Variants in COL5A1 observed in about 807,000 individuals in gnomAD.
The protein encoded by COL5A1 is collagen type V alpha 1 chain.
A neutral mutation model predicts 263.7 loss-of-function variants in COL5A1; 16 were observed. The observed-to-expected ratio is 0.06, with a 90% CI of 0.04 to 0.09. The LOEUF is 0.09. Among genes scored for constraint, COL5A1 ranks in the 10% least tolerant of loss-of-function variants. The pLI is 1.00. For missense variants in COL5A1, 2,036 were observed against 2,540.5 expected, an observed-to-expected ratio of 0.80 and a Z score of 4.27; for synonymous variants, 1,012 against 1,004.5, an observed-to-expected ratio of 1.01 and a Z score of -0.14.
intron 1 of COL5A1, among the ~76,000 whole-genome samples, chr9:134,662,556 C>T (rs1390054501): frequency 6.6e-6 from 1 of 152,244 alleles, no homozygotes; most frequent in Non-Finnish European, 1.5e-5. Context: ...CCAGTGGGGA[C>T]ATTCCGCGCT....
chr9:134,712,062 T>C (rs1834068276), intron 4 of COL5A1, among the ~76,000 whole-genome samples: 1 of 118,192 alleles, frequency 8.5e-6, no homozygotes, highest in Admixed American at 9.8e-5. Context: ...CCTTCCTCCC[T>C]CCTTCCTGTA....
chr9:134,772,955 C>A, intron 26 of COL5A1, 121 bp downstream of exon 26: 1 of 1,071,258 alleles, frequency 9.3e-7, no homozygotes, highest in Non-Finnish European at 1.4e-6. Context: ...GGACACTCAG[C>A]CCTTCCTCAG....
intron 11 of COL5A1, among the ~76,000 whole-genome samples, chr9:134,744,670 C>CA (rs745930712): frequency 3.3e-5 from 5 of 151,808 alleles, no homozygotes; most frequent in Middle Eastern, 3.2e-3. Flanking sequence ...CACACACATG[C>CA]ACACACATTC....
intron 8 of COL5A1, 134 bp downstream of exon 8, chr9:134,731,797 T>G: frequency 9.4e-7 from 1 of 1,067,702 alleles, no homozygotes; most frequent in South Asian, 1.6e-5. Flanking sequence ...TCCCAAAACT[T>G]TATTTTTAAA....
chr9:134,758,361 C>T lies in COL5A1; in HGVS notation c.1935+65C>T. 6.6e-7 allele frequency: 1 copy of T among 1,526,280 alleles called. No individual in the cohort carries two copies. Among genetic ancestry groups the T allele is most frequent in the Non-Finnish European group, 9.1e-7 (1 of 1,100,974 alleles). The allele number at this position is 1,526,280 out of a possible 1,614,324, so 94.5% of individuals were successfully genotyped here. ...CAGCAGAGGTGTCTCTCGGGAGGCC[C>T]TTCTCCTTCCAGGCAGCCTCAGATT... On this transcript the variant is annotated intron_variant, in intron 18 of 65. Coordinates refer to ENST00000371817, the MANE Select transcript of COL5A1 (RefSeq NM_000093.5). The surrounding 1 kb of genome is among the most constrained non-coding windows in gnomAD (Gnocchi z 4.1).
chr9:134,814,154 A>G, intron 49 of COL5A1, 118 bp downstream of exon 49: 1 of 1,023,202 alleles, frequency 9.8e-7, no homozygotes, highest in Non-Finnish European at 1.5e-6. Context: ...TGGGAGTTGT[A>G]ACCCCTCTTG....
rs1002585198 is a variant in COL5A1, at chr9:134,818,438, C to T, written c.4231-218C>T. Among the ~76,000 whole-genome samples, 1 of 152,174 alleles carries T rather than the reference C, an allele frequency of 6.6e-6. No individual in the cohort carries two copies. The highest frequency in any genetic ancestry group is 1.5e-5 in the Non-Finnish European group (1 of 68,026). ...CCCGGTCTGTGGTCGGCGCAGTCAG[C>T]GGAGACGGGATCCCTGCTGGCCTGG... On this transcript the variant is annotated intron_variant, in intron 54 of 65. Coordinates refer to ENST00000371817, the MANE Select transcript of COL5A1 (RefSeq NM_000093.5). The surrounding 1 kb of genome is among the most constrained non-coding windows in gnomAD (Gnocchi z 6.0).
At chr9:134,724,259 T>C (rs745443125) in intron 4 of COL5A1, among the ~76,000 whole-genome samples, 22 of 152,256 alleles carry the variant, frequency 1.4e-4, no homozygotes, top group Admixed American at 5.9e-4. Context: ...GCCTTCTGCA[T>C]ACAAGGAGTT....
chr9:134,795,309 C>G lies in COL5A1; in HGVS notation c.2793C>G (p.Gly931=). Residue 931 remains glycine, a synonymous_variant, in exon 34 of 66, where the codon GGC becomes GGG. Coordinates refer to ENST00000371817, the MANE Select transcript of COL5A1 (RefSeq NM_000093.5). ...RGPRGITGKP[G]PKGNSGGDGP... ...CCCGGGGCATCACTGGGAAGCCTGG[C>G]CCCAAGGTATGTTTTTGGCCTCCTG... is the stretch of plus-strand genomic sequence containing the variant. 1 of 1,613,612 alleles carries G rather than the reference C, an allele frequency of 6.2e-7. No individual in the cohort carries two copies. Among genetic ancestry groups the G allele is most frequent in the South Asian group, 1.1e-5 (1 of 91,062 alleles).
Position 134,772,797 on chromosome 9 carries a change from C to A in COL5A1, c.2294C>A (p.Pro765His). Residue 765 changes from proline to histidine, a missense_variant, in exon 26 of 66, where the codon CCT (proline) becomes CAT (histidine). Physicochemically the swap from Pro to His is moderately conservative, Grantham distance 77. Transcript: ENST00000371817. ...MPGADGPPGH[P>H]GKEGPPGEKG... ...CTTCTTCTTTTGTGACAGGGACACC[C>A]TGGCAAAGAAGGCCCTCCAGGAGAG... is the stretch of plus-strand genomic sequence containing the variant. The A allele has an allele frequency of 6.2e-7, 1 of 1,614,054 alleles. No homozygotes were observed. The highest frequency in any genetic ancestry group is 8.5e-7 in the Non-Finnish European group (1 of 1,180,014).
At chr9:134,791,160 C>T (rs947531902) in intron 32 of COL5A1, among the ~76,000 whole-genome samples, 1 of 152,224 alleles carries the variant, frequency 6.6e-6, no homozygotes, top group Admixed American at 6.5e-5. Flanking sequence ...ACCACATGCC[C>T]CAGTCACACA....
rs1339432505 is a variant in COL5A1 at position 134,841,972 on chromosome 9, G to A, written c.5371-185G>A. On this transcript the variant is annotated intron_variant, in intron 65 of 65. Transcript: ENST00000371817. This position sits in a 1 kb window ranked among gnomAD's most constrained non-coding sequence, Gnocchi z 4.8. ...CAGGGGGACTCTTGGGACATCCACC[G>A]GGGTTAAATGCATGCTCTGATCAGC... 1.3e-5 allele frequency among the ~76,000 whole-genome samples: 2 copies of A among 152,076 alleles called. No homozygotes were observed. Among genetic ancestry groups the A allele is most frequent in the Non-Finnish European group, 2.9e-5 (2 of 68,006 alleles).
At chr9:134,672,673 A>T (rs1186347013) in intron 1 of COL5A1, among the ~76,000 whole-genome samples, 4 of 152,236 alleles carry the variant, frequency 2.6e-5, no homozygotes, top group Admixed American at 2.0e-4. Context: ...TAGCTGGTGA[A>T]ATAAGGTAAG....
intron 25 of COL5A1, 150 bp from the exon 26 acceptor site, chr9:134,772,640 C>A: frequency 1.1e-6 from 1 of 903,098 alleles, no homozygotes; most frequent in Non-Finnish European, 1.9e-6. Context: ...GGCTGCCTGG[C>A]CAGCTGCCTT....
At chr9:134,815,829 GA>G in intron 51 of COL5A1, 105 bp from the exon 52 acceptor site, 1 of 1,419,220 alleles carries the variant, frequency 7.0e-7, no homozygotes, top group South Asian at 1.2e-5. Flanking sequence ...GCTGGCACCA[GA>G]ATGGATTTGG....
chr9:134,784,841 CGT>C, intron 29 of COL5A1, 146 bp from the exon 30 acceptor site: 1 of 673,894 alleles, frequency 1.5e-6, no homozygotes. Context: ...GGAGCAGCTC[CGT>C]GGTCTGAGTG....
At chr9:134,825,770 C>T in intron 62 of COL5A1, 22 bp from the exon 63 acceptor site, 1 of 1,529,808 alleles carries the variant, frequency 6.5e-7, no homozygotes, top group Non-Finnish European at 9.1e-7. Flanking sequence ...TGCCTGCCTC[C>T]CTCCCCGTCT....
Position 134,813,161 on chromosome 9 carries a change from A to G in COL5A1, c.3852+449A>G, listed in dbSNP as rs116696385. Among the ~76,000 whole-genome samples the G allele has an allele frequency of 8.5e-3, 1,282 of 151,156 alleles. 22 individuals carry two copies. The highest frequency in any genetic ancestry group is 0.029 in the African/African-American group (1,181 of 41,176). Reference sequence around the variant, plus strand: ...CTCCATTTGATCTGATTGGTTTTGGAGCCCAGACTCCATGAGCGTCATGGA... The same window carrying G: ...CTCCATTTGATCTGATTGGTTTTGGGGCCCAGACTCCATGAGCGTCATGGA... On this transcript the variant is annotated intron_variant, in intron 48 of 65. Transcript: ENST00000371817.
chr9:134,812,479 G>A lies in COL5A1; in HGVS notation c.3721G>A (p.Glu1241Lys). The A allele has an allele frequency of 6.2e-7, 1 of 1,614,156 alleles. No homozygotes were observed. Among genetic ancestry groups the A allele is most frequent in the Non-Finnish European group, 8.5e-7 (1 of 1,180,036 alleles). ...GLPGPPGEKG[E>K]TGDVGQMGPP... is the part of the protein sequence containing the mutation. Reference sequence around the variant, plus strand: ...GCCAGGACCTCCAGGCGAGAAGGGTGAGACAGGAGACGTGGGCCAGATGGT... The same window carrying A: ...GCCAGGACCTCCAGGCGAGAAGGGTAAGACAGGAGACGTGGGCCAGATGGT... The change falls in exon 47 of 66, where the codon GAG becomes AAG. Residue 1241 changes from glutamate to lysine, a missense_variant. By Grantham distance (56) the Glu-to-Lys change is moderately conservative. Transcript: ENST00000371817.
Sources: allele counts gnomAD v4.1 joint callset (sites outside exome capture counted in the v4.1 genomes callset), GRCh38; gene constraint gnomAD v4.1.1; non-coding constraint Gnocchi (gnomAD v3.1); transcripts MANE v1.5; gene names NCBI Gene and HGNC (gene_info 2026-07-23, HGNC 2026-07-21).